Variants in CRLS1 observed in about 807,000 individuals in gnomAD.
The protein encoded by CRLS1 is cardiolipin synthase 1.
CRLS1 carries 24 observed loss-of-function variants against 37.0 expected under a neutral mutation model. The observed-to-expected ratio is 0.65, with a 90% confidence interval of 0.47 to 0.91. CRLS1 has a LOEUF of 0.91. Among genes scored for constraint, CRLS1 ranks in the 40% least tolerant of loss-of-function variants. The probability of loss-of-function intolerance (pLI) is 0.00; values close to 1 mark genes in which losing one functional copy is unlikely to be tolerated. For synonymous variants in CRLS1, 135 were observed against 159.7 expected, an observed-to-expected ratio of 0.85 and a Z score of 1.17; for missense variants, 373 against 395.8, an observed-to-expected ratio of 0.94 and a Z score of 0.49.
At chr20:6,035,799 T>A (rs944639828) in intron 6 of CRLS1, among the ~76,000 whole-genome samples, 31 of 151,818 alleles carry the variant, frequency 2.0e-4, no homozygotes, top group East Asian at 3.9e-4. Context: ...TATTTTTTTT[T>A]AATTAATTAA....
chr20:6,013,932 T>A (rs899653081), intron 2 of CRLS1, among the ~76,000 whole-genome samples: 1 of 152,088 alleles, frequency 6.6e-6, no homozygotes, highest in African/African-American at 2.4e-5. Flanking sequence ...ATTAGAGGAA[T>A]AGTGAAGATG....
At chr20:6,005,939 G>C (rs1036350653), upstream of CRLS1, 2 of 238,884 alleles carry the variant, frequency 8.4e-6, no homozygotes, top group Non-Finnish European at 8.0e-6. Flanking sequence ...CTGCGGGCCA[G>C]GAGAAGAGAG....
chr20:6,007,408 C>T, intron 1 of CRLS1: 1 of 1,613,482 alleles, frequency 6.2e-7, no homozygotes, highest in Non-Finnish European at 8.5e-7. Flanking sequence ...GAGTATGCCA[C>T]AGGTTATCTG....
At chr20:6,036,157 C>G (rs1973566307) in intron 6 of CRLS1, among the ~76,000 whole-genome samples, 1 of 151,988 alleles carries the variant, frequency 6.6e-6, no homozygotes, top group South Asian at 2.1e-4. Flanking sequence ...ACTATGTTGC[C>G]CAGGCTGGTC....
intron 3 of CRLS1, among the ~76,000 whole-genome samples, chr20:6,017,111 C>G (rs1217607992): frequency 6.6e-6 from 1 of 152,132 alleles, no homozygotes; most frequent in Non-Finnish European, 1.5e-5. Flanking sequence ...TGACCTCAGC[C>G]TCCCAAGAAC....
At chr20:6,021,609 T>C (rs895484331) in intron 3 of CRLS1, among the ~76,000 whole-genome samples, 1 of 152,210 alleles carries the variant, frequency 6.6e-6, no homozygotes. Context: ...AAATAACATA[T>C]TTATGTAAAT....
At chr20:6,029,017 G>C (rs945649658) in intron 3 of CRLS1, among the ~76,000 whole-genome samples, 19 of 152,200 alleles carry the variant, frequency 1.2e-4, no homozygotes, top group African/African-American at 4.6e-4. Flanking sequence ...AGACCACCTG[G>C]TACAGAAATG....
rs1600399716 is a variant in CRLS1 at position 6,039,387 on chromosome 20, G to A, written c.*2229G>A. 1 of 151,450 alleles carries A rather than the reference G, an allele frequency of 6.6e-6. No homozygotes were observed. Among genetic ancestry groups the A allele is most frequent in the Non-Finnish European group, 1.5e-5 (1 of 67,882 alleles). 9.4% of individuals were successfully genotyped at this position (151,450 alleles called of 1,614,324 possible). A position where few individuals can be genotyped will look rare whatever the true frequency, so the allele number is the denominator to read the frequency against. ...TGGTGGAGATCTTTGAAATCATTTA[G>A]GCCAATTCTTTTAGTTACATTTATG... On this transcript the variant is annotated 3_prime_UTR_variant, in exon 7 of 7. Transcript: ENST00000378863.
At chr20:6,015,112 C>T (rs754972711) in intron 2 of CRLS1, among the ~76,000 whole-genome samples, 9 of 151,592 alleles carry the variant, frequency 5.9e-5, no homozygotes, top group African/African-American at 1.7e-4. Context: ...GTGAAAATAC[C>T]GAGAAATAAC....
chr20:6,009,418 CT>C (rs567567202), intron 1 of CRLS1, among the ~76,000 whole-genome samples: 2 of 150,396 alleles, frequency 1.3e-5, no homozygotes, highest in Admixed American at 6.7e-5. Flanking sequence ...CTTTTGTATT[CT>C]TTTTTTTTCT....
intron 2 of CRLS1, among the ~76,000 whole-genome samples, chr20:6,011,454 C>G (rs537862434): frequency 4.0e-4 from 61 of 151,844 alleles, no homozygotes; most frequent in Admixed American, 5.9e-4. Context: ...TCCAAACCTG[C>G]TTCAAACATA....
chr20:6,024,945 A>G (rs749235016), intron 3 of CRLS1, among the ~76,000 whole-genome samples: 4 of 152,240 alleles, frequency 2.6e-5, no homozygotes, highest in African/African-American at 4.8e-5. Context: ...TTGCAGAAGA[A>G]AAGTTGGAAG....
At chr20:6,032,237 TGTCCTCC>T (rs1384000315) in intron 5 of CRLS1, among the ~76,000 whole-genome samples, 157 bp downstream of exon 5, 1 of 152,222 alleles carries the variant, frequency 6.6e-6, no homozygotes. Context: ...TAACCTAGTT[TGTCCTCC>T]GTGTTTTTTG....
intron 5 of CRLS1, among the ~76,000 whole-genome samples, chr20:6,033,028 A>G (rs1435843095): frequency 4.6e-5 from 7 of 152,044 alleles, no homozygotes; most frequent in African/African-American, 1.4e-4. Flanking sequence ...TACGGGGACA[A>G]GTGCCTTAAA....
intron 3 of CRLS1, among the ~76,000 whole-genome samples, chr20:6,025,675 A>G (rs1979622591): frequency 6.6e-6 from 1 of 152,240 alleles, no homozygotes; most frequent in South Asian, 2.1e-4. Flanking sequence ...AGGATTCACC[A>G]TTCTAGATGC....
At chr20:6,024,284 A>T (rs761516547) in intron 3 of CRLS1, among the ~76,000 whole-genome samples, 1 of 152,136 alleles carries the variant, frequency 6.6e-6, no homozygotes, top group Non-Finnish European at 1.5e-5. Context: ...AATTCTGCCA[A>T]TATTCCAGAT....
chr20:6,034,934 GGA>G (rs1326948856), intron 6 of CRLS1, among the ~76,000 whole-genome samples: 2 of 152,212 alleles, frequency 1.3e-5, no homozygotes, highest in Non-Finnish European at 2.9e-5. Context: ...ATAGAGTGTA[GGA>G]GAGAGGGTAG....
intron 3 of CRLS1, among the ~76,000 whole-genome samples, chr20:6,025,499 A>T (rs1979603055): frequency 6.6e-6 from 1 of 152,172 alleles, no homozygotes; most frequent in Non-Finnish European, 1.5e-5. Context: ...TATACAAGAA[A>T]ATTAATGTTG....
At chr20:6,015,620 A>G in intron 3 of CRLS1, 130 bp downstream of exon 3, 1 of 880,974 alleles carries the variant, frequency 1.1e-6, no homozygotes, top group Non-Finnish European at 1.8e-6. Flanking sequence ...TGTTTCCCTA[A>G]TTTTAAACTG....
Sources: allele counts gnomAD v4.1 joint callset (sites outside exome capture counted in the v4.1 genomes callset), GRCh38; gene constraint gnomAD v4.1.1; transcripts MANE v1.5; gene names NCBI Gene and HGNC (gene_info 2026-07-23, HGNC 2026-07-21).